Variants in ADAMTSL1 observed in about 807,000 individuals in gnomAD.
The protein encoded by ADAMTSL1 is ADAMTS like 1, also known as ADAMTS-like protein 1.
ADAMTSL1 carries 126 observed loss-of-function variants against 201.8 expected under a neutral mutation model. The observed-to-expected ratio is 0.62, with a 90% confidence interval of 0.54 to 0.72. The LOEUF (loss-of-function observed/expected upper bound fraction) is 0.72, where lower values mean the gene tolerates loss of function less well. ADAMTSL1 is among the 30% of genes least tolerant of loss of function. The pLI is 0.00. For synonymous variants in ADAMTSL1, 1,121 were observed against 903.4 expected (o/e 1.24, Z -4.32); for missense variants, 2,679 against 2,277.8 (o/e 1.18, Z -3.59).
At chr9:18,531,404 A>T (rs1819435338) in intron 2 of ADAMTSL1, among the ~76,000 whole-genome samples, 1 of 152,214 alleles carries the variant, frequency 6.6e-6, no homozygotes, top group African/African-American at 2.4e-5. Context: ...GCAGGACTTG[A>T]AATTCATTCG....
intron 2 of ADAMTSL1, among the ~76,000 whole-genome samples, chr9:18,399,508 A>T (rs1471905502): frequency 1.0e-5 from 1 of 97,218 alleles, no homozygotes; most frequent in African/African-American, 4.2e-5. Flanking sequence ...TTTCTGGCTG[A>T]TTTTTATATT....
intron 1 of ADAMTSL1, among the ~76,000 whole-genome samples, chr9:17,961,510 C>G (rs1409084445): frequency 1.3e-5 from 2 of 152,152 alleles, no homozygotes; most frequent in African/African-American, 4.8e-5. Context: ...CTCAGCCTCT[C>G]AGAGTGCTGG....
chr9:18,200,298 A>G (rs138871127), intron 2 of ADAMTSL1, among the ~76,000 whole-genome samples: 1 of 152,038 alleles, frequency 6.6e-6, no homozygotes. Flanking sequence ...TACACAAGTC[A>G]GATAATATAA....
chr9:18,216,318 T>A (rs777553595), intron 2 of ADAMTSL1, among the ~76,000 whole-genome samples: 98 of 152,152 alleles, frequency 6.4e-4, no homozygotes, highest in Non-Finnish European at 1.2e-3. Context: ...TGAAGCATTG[T>A]GGTATAGTAT....
At chr9:17,999,016 C>T (rs62553115) in intron 1 of ADAMTSL1, among the ~76,000 whole-genome samples, 7,491 of 152,094 alleles carry the variant, frequency 0.049, 209 homozygotes, top group African/African-American at 0.076. Flanking sequence ...GAAAAGCCCT[C>T]TCTTTGGGGA....
At chr9:18,728,081 AAAAT>A (rs61237330) in intron 15 of ADAMTSL1, among the ~76,000 whole-genome samples, 22,551 of 143,746 alleles carry the variant, frequency 0.16, 1,927 homozygotes, top group Admixed American at 0.18. Context: ...CTCTGTCTCA[AAAAT>A]AAATAAATAA....
intron 1 of ADAMTSL1, among the ~76,000 whole-genome samples, chr9:18,059,879 T>C (rs934050715): frequency 1.3e-5 from 2 of 152,204 alleles, no homozygotes; most frequent in Non-Finnish European, 2.9e-5. Flanking sequence ...AAGTTCTCTT[T>C]ATGTGCATTT....
chr9:17,940,838 G>A (rs1385613773), intron 1 of ADAMTSL1, among the ~76,000 whole-genome samples: 2 of 105,494 alleles, frequency 1.9e-5, no homozygotes, highest in East Asian at 3.2e-4. Flanking sequence ...ATAACGACTC[G>A]TCATGTCTTT....
At chr9:18,633,014 T>C (rs913325847) in intron 5 of ADAMTSL1, among the ~76,000 whole-genome samples, 1 of 152,172 alleles carries the variant, frequency 6.6e-6, no homozygotes, top group Non-Finnish European at 1.5e-5. Context: ...CATACAGATA[T>C]TACAGCATCA....
chr9:18,734,186 T>C (rs868724393), intron 15 of ADAMTSL1, among the ~76,000 whole-genome samples: 6 of 152,206 alleles, frequency 3.9e-5, no homozygotes, highest in Admixed American at 2.6e-4. Flanking sequence ...GCACAGTGCC[T>C]CGCTCATACT....
intron 1 of ADAMTSL1, 95 bp from the exon 2 acceptor site, chr9:18,504,734 C>T (rs1823027270): frequency 3.9e-6 from 6 of 1,554,662 alleles, no homozygotes; most frequent in African/African-American, 1.4e-5. Context: ...GCAAAGCCAC[C>T]ATGTACACAC....
At chr9:18,139,707 A>G (rs1826316995) in intron 1 of ADAMTSL1, among the ~76,000 whole-genome samples, 1 of 152,190 alleles carries the variant, frequency 6.6e-6, no homozygotes, top group African/African-American at 2.4e-5. Flanking sequence ...TTAACCTTAT[A>G]AACTGCAGAA....
chr9:18,592,994 C>CT (rs1824023384), intron 4 of ADAMTSL1, among the ~76,000 whole-genome samples: 1 of 152,028 alleles, frequency 6.6e-6, no homozygotes, highest in African/African-American at 2.4e-5. Flanking sequence ...AATGAGATTA[C>CT]TTTCTTGATA....
intron 2 of ADAMTSL1, among the ~76,000 whole-genome samples, chr9:18,247,017 G>A (rs1831278774): frequency 6.6e-6 from 1 of 152,116 alleles, no homozygotes; most frequent in African/African-American, 2.4e-5. Context: ...ATTTTCTACA[G>A]AATCTAGTTA....
intron 2 of ADAMTSL1, among the ~76,000 whole-genome samples, chr9:18,373,302 C>T (rs1222625139): frequency 6.6e-6 from 1 of 152,116 alleles, no homozygotes; most frequent in Non-Finnish European, 1.5e-5. Flanking sequence ...GTGAGGTCAT[C>T]TGGAATTTAA....
intron 2 of ADAMTSL1, among the ~76,000 whole-genome samples, chr9:18,431,920 T>C (rs1358709187): frequency 6.6e-6 from 1 of 152,184 alleles, no homozygotes; most frequent in Non-Finnish European, 1.5e-5. Context: ...CATAAAAGTG[T>C]ACAGTTTTCC....
chr9:18,883,566 C>A (rs1390161097), intron 23 of ADAMTSL1, among the ~76,000 whole-genome samples: 1 of 152,206 alleles, frequency 6.6e-6, no homozygotes, highest in African/African-American at 2.4e-5. Context: ...AAACTCTGCA[C>A]TCCTCCTCCC....
intron 3 of ADAMTSL1, among the ~76,000 whole-genome samples, chr9:18,573,102 C>T (rs1023610288): frequency 1.3e-5 from 2 of 152,132 alleles, no homozygotes; most frequent in South Asian, 4.1e-4. Context: ...ATGAAACTTA[C>T]ATCAAAAAGA....
intron 2 of ADAMTSL1, among the ~76,000 whole-genome samples, chr9:18,175,006 G>C (rs527563446): frequency 1.1e-4 from 16 of 152,072 alleles, no homozygotes; most frequent in African/African-American, 3.6e-4. Context: ...ACATATAAAC[G>C]TTTCTTTTGC....
Sources: gnomAD v4.1 joint callset for allele counts (sites outside exome capture counted in the v4.1 genomes callset) on GRCh38, gnomAD v4.1.1 for gene constraint, MANE v1.5 for transcripts, NCBI Gene and HGNC (gene_info 2026-07-23, HGNC 2026-07-21) for gene names.